The following PPM1A variants were observed in gnomAD, a reference collection of about 807,000 sequenced individuals.
The protein encoded by PPM1A is protein phosphatase 1A.
In PPM1A, 7 loss-of-function variants were observed where a neutral mutation model predicts 35.0. The ratio of observed to expected loss-of-function variants is 0.20; its 90% CI spans 0.11 to 0.38. PPM1A has a LOEUF of 0.38. Among genes scored for constraint, PPM1A ranks in the 10% least tolerant of loss-of-function variants. The pLI is 1.00. For missense variants in PPM1A, 239 were observed against 467.8 expected, an observed-to-expected ratio of 0.51 and a Z score of 4.51; for synonymous variants, 153 against 167.3, an observed-to-expected ratio of 0.91 and a Z score of 0.66.
Position 60,283,522 on chromosome 14 carries a change from C to T in PPM1A, c.819C>T (p.Asp273=), listed in dbSNP as rs760824519. 3.1e-6 allele frequency: 5 copies of T among 1,611,786 alleles called. No homozygotes were observed. Among genetic ancestry groups the T allele is most frequent in the Non-Finnish European group, 3.4e-6 (4 of 1,179,428 alleles). The change falls in exon 2 of 6, where the codon GAC becomes GAT. Residue 273 remains aspartate (D), a synonymous_variant. Coordinates refer to ENST00000395076, the MANE Select transcript of PPM1A (RefSeq NM_021003.5). This position sits in a 1 kb window ranked among gnomAD's most constrained non-coding sequence, Gnocchi z 6.3. ...DLEKVCNEVV[D]TCLYKGSRDN... The stretch of plus-strand genomic sequence containing the variant: ...AGAAAGTTTGCAATGAAGTAGTCGA[C>T]ACCTGTTTGTATAAGGTAGCTAGAC...
At chr14:60,255,224 T>C (rs1160377506) in intron 1 of PPM1A, among the ~76,000 whole-genome samples, 1 of 138,878 alleles carries the variant, frequency 7.2e-6, no homozygotes, top group African/African-American at 3.0e-5. Flanking sequence ...CAGGCTGGAG[T>C]GCAGTGGCGC....
At chr14:60,285,565 C>A in intron 2 of PPM1A, 59 bp from the exon 3 acceptor site, 2 of 1,551,520 alleles carry the variant, frequency 1.3e-6, no homozygotes, top group Non-Finnish European at 1.8e-6. Context: ...TGTAAAGGTT[C>A]TCAAGGCTTT....
intron 3 of PPM1A, 108 bp downstream of exon 3, chr14:60,285,849 G>C: frequency 6.7e-7 from 1 of 1,495,482 alleles, no homozygotes; most frequent in Non-Finnish European, 8.9e-7. Flanking sequence ...GACAGCTAGT[G>C]TCTAGTGTAT....
chr14:60,293,970 T>A lies in PPM1A; in HGVS notation c.*1488T>A, dbSNP rs1354672938. 6.6e-6 allele frequency: 1 copy of A among 151,972 alleles called. No individual in the cohort carries two copies. Among genetic ancestry groups the A allele is most frequent in the African/African-American group, 2.4e-5 (1 of 41,426 alleles). 9.4% of individuals were successfully genotyped at this position (151,972 alleles called of 1,614,324 possible). A position where few individuals can be genotyped will look rare whatever the true frequency, so the allele number is the denominator to read the frequency against. ...TGTATTTTTGTCTCTTTAGGTTGAA[T>A]ATTGTATTTATCACCATGTAATCAT... On this transcript the variant is annotated 3_prime_UTR_variant, in exon 6 of 6. Transcript: ENST00000395076. This position sits in a 1 kb window ranked among gnomAD's most constrained non-coding sequence, Gnocchi z 4.0.
rs534364652 is a variant in PPM1A at position 60,295,752 on chromosome 14, C to T, written c.*3270C>T. On this transcript the variant is annotated 3_prime_UTR_variant, in exon 6 of 6. Transcript: ENST00000395076. ...ATGTTAGTATTATAACTGGATCACTCATCAAAAAATATATATATATATCTA... is the reference window on the plus strand; with the variant it reads ...ATGTTAGTATTATAACTGGATCACTTATCAAAAAATATATATATATATCTA... The T allele has an allele frequency of 1.8e-4, 27 of 151,534 alleles. No individual in the cohort carries two copies. Among genetic ancestry groups the T allele is most frequent in the Admixed American group, 2.6e-4 (4 of 15,174 alleles). 9.4% of individuals were successfully genotyped at this position (151,534 alleles called of 1,614,324 possible).
rs1887935066 is a variant in PPM1A at position 60,294,890 on chromosome 14, A to G, written c.*2408A>G. The G allele has an allele frequency of 6.6e-6, 1 of 151,848 alleles. No homozygotes were observed. 9.4% of individuals were successfully genotyped at this position (151,848 alleles called of 1,614,324 possible). Reference sequence around the variant, plus strand: ...AATAATTTTTTTACTATAAAAATACAGGAAGGAAGTATACATTATAACAGC... The same window carrying G: ...AATAATTTTTTTACTATAAAAATACGGGAAGGAAGTATACATTATAACAGC... On this transcript the variant is annotated 3_prime_UTR_variant, in exon 6 of 6. Transcript: ENST00000395076.
At chr14:60,291,494 CCACT>C in intron 5 of PPM1A, 40 bp downstream of exon 5, 2 of 1,491,122 alleles carry the variant, frequency 1.3e-6, no homozygotes, top group Non-Finnish European at 1.8e-6. Flanking sequence ...CCCTTCCCCT[CCACT>C]CTAAATGCAT....
chr14:60,292,074 A>AAAT lies in PPM1A; in HGVS notation c.1120-378_1120-377insATA, dbSNP rs1887687028. ...GAAATATTTTATGTATTGCATTATG[A>AAAT]AGCTTCCTCACATATTGAGTTCTTA... On this transcript the variant is annotated intron_variant, in intron 5 of 5. Coordinates refer to ENST00000395076, the MANE Select transcript of PPM1A (RefSeq NM_021003.5). This position sits in a 1 kb window ranked among gnomAD's most constrained non-coding sequence, Gnocchi z 4.2. Among the ~76,000 whole-genome samples the AAAT allele has an allele frequency of 6.6e-6, 1 of 152,140 alleles. No individual in the cohort carries two copies. The highest frequency in any genetic ancestry group is 1.5e-5 in the Non-Finnish European group (1 of 68,008).
At chr14:60,285,435 A>G (rs547764032) in intron 2 of PPM1A, among the ~76,000 whole-genome samples, 189 bp from the exon 3 acceptor site, 1 of 151,764 alleles carries the variant, frequency 6.6e-6, no homozygotes, top group South Asian at 2.1e-4. Flanking sequence ...TTCTCTCTAT[A>G]CTGTTCGGGG....
chr14:60,272,842 T>G (rs1292982750), intron 1 of PPM1A, among the ~76,000 whole-genome samples: 1 of 152,184 alleles, frequency 6.6e-6, no homozygotes, highest in Non-Finnish European at 1.5e-5. Flanking sequence ...CTAATATCTT[T>G]TGGATTCAGT....
chr14:60,259,668 A>T lies in PPM1A; in HGVS notation c.-21+9991A>T, dbSNP rs144629173. On this transcript the variant is annotated intron_variant, in intron 1 of 5. Transcript: ENST00000395076. The stretch of plus-strand genomic sequence containing the variant: ...TCTGAATTAGTTAACAGATGAGGCA[A>T]ATTGAGATTGTAAATGCTAAAAGAT... Among the ~76,000 whole-genome samples, 298 of 152,200 alleles carry T rather than the reference A, an allele frequency of 2.0e-3. 1 individual carries two copies. The highest frequency in any genetic ancestry group is 6.7e-3 in the African/African-American group (277 of 41,576).
In PPM1A at chr14:60,282,945, A is replaced by G. The variant is rs1230633855; in HGVS notation, c.242A>G (p.Asn81Ser). 6 of 1,614,264 alleles carry G rather than the reference A, an allele frequency of 3.7e-6. No homozygotes were observed. The South Asian group carries it at 6.6e-5, about 18-fold the overall frequency. Residue 81 changes from asparagine to serine, a missense_variant, in exon 2 of 6, where the codon AAT becomes AGT. Physicochemically the swap from Asn to Ser is conservative, Grantham distance 46. Around this residue, in one of 2 missense-constraint regions of PPM1A, gnomAD observed 175 missense variants for 389.2 expected, o/e 0.45. Transcript: ENST00000395076. The surrounding 1 kb of genome is among the most constrained non-coding windows in gnomAD (Gnocchi z 5.1). Reference sequence around the variant, plus strand: ...GAGCATTTGTTAGATCACATCACCAATAACCAGGATTTTAAAGGGTCTGCA... The same window carrying G: ...GAGCATTTGTTAGATCACATCACCAGTAACCAGGATTTTAAAGGGTCTGCA... ...CCEHLLDHIT[N>S]NQDFKGSAGA...
chr14:60,246,541 T>G (rs1401485324), upstream of PPM1A, among the ~76,000 whole-genome samples: 4 of 152,208 alleles, frequency 2.6e-5, no homozygotes, highest in East Asian at 5.8e-4. Context: ...ATATTCCCAC[T>G]AAAATCTTAC....
rs559457958 is a variant in PPM1A, at chr14:60,250,790, G to C, written c.-21+1113G>C. Among the ~76,000 whole-genome samples the C allele has an allele frequency of 1.8e-4, 28 of 152,278 alleles. No homozygotes were observed. In the South Asian group the frequency reaches 5.6e-3, roughly 30 times the overall value. ...AACCACTTTACATGTGTTGCGCTCC[G>C]AAAAGTGGAGGGATTTGTTGAAACA... On this transcript the variant is annotated intron_variant, in intron 1 of 5. Coordinates refer to ENST00000395076, the MANE Select transcript of PPM1A (RefSeq NM_021003.5).
chr14:60,249,287 G>C lies in PPM1A; in HGVS notation c.-411G>C, dbSNP rs1247923886. The C allele has an allele frequency of 2.2e-5, 22 of 982,642 alleles. No individual in the cohort carries two copies. Among genetic ancestry groups the C allele is most frequent in the Non-Finnish European group, 2.7e-5 (22 of 829,482 alleles). The allele number at this position is 982,642 out of a possible 1,614,324, so 60.9% of individuals were successfully genotyped here. A position where few individuals can be genotyped will look rare whatever the true frequency, so the allele number is the denominator to read the frequency against. On this transcript the variant is annotated 5_prime_UTR_variant, in exon 1 of 6. Transcript: ENST00000395076. The surrounding 1 kb of genome is among the most constrained non-coding windows in gnomAD (Gnocchi z 4.5). ...CGCGCGCGGGAGCTAGAGAGCAGTG[G>C]TCTCGGCGCTCGTCCGGCCCGCAGC...
At chr14:60,253,690 GT>G (rs1882711416) in intron 1 of PPM1A, among the ~76,000 whole-genome samples, 1 of 152,084 alleles carries the variant, frequency 6.6e-6, no homozygotes, top group Non-Finnish European at 1.5e-5. Flanking sequence ...CATTCCCAAA[GT>G]TTCAGAAGTT....
At position 60,291,961 on chromosome 14, in the gene PPM1A, A is replaced by G. The variant is rs969092501; in HGVS notation, c.1120-492A>G. On this transcript the variant is annotated intron_variant, in intron 5 of 5. Transcript: ENST00000395076. ...TTGCATAAATAGACATTAGAATGCC[A>G]TACTCTCCAGTTAAGTGTTCTGTTG... 2.0e-5 allele frequency among the ~76,000 whole-genome samples: 3 copies of G among 152,226 alleles called. No homozygotes were observed. The South Asian group carries it at 6.2e-4, about 32-fold the overall frequency.
chr14:60,254,429 C>G (rs548146285), intron 1 of PPM1A, among the ~76,000 whole-genome samples: 1 of 152,134 alleles, frequency 6.6e-6, no homozygotes, highest in African/African-American at 2.4e-5. Context: ...AATGTTCAGG[C>G]TAGAATGATC....
At chr14:60,249,179 A>C (rs1191997158), upstream of PPM1A, 33 of 942,634 alleles carry the variant, frequency 3.5e-5, no homozygotes, top group Non-Finnish European at 3.8e-5. The surrounding 1 kb of genome is among the most constrained non-coding windows in gnomAD (Gnocchi z 4.5). Flanking sequence ...GGGGTGGGGG[A>C]GGGGCGACGC....
Sources: allele counts gnomAD v4.1 joint callset (sites outside exome capture counted in the v4.1 genomes callset), GRCh38; gene constraint gnomAD v4.1.1; regional missense constraint gnomAD v4.1.1; non-coding constraint Gnocchi (gnomAD v3.1); transcripts MANE v1.5; gene names NCBI Gene and HGNC (gene_info 2026-07-23, HGNC 2026-07-21).